PDE4D: variants seen among roughly 807,000 people sequenced by gnomAD.
PDE4D encodes the protein 3',5'-cyclic-AMP phosphodiesterase 4D.
A neutral mutation model predicts 87.4 loss-of-function variants in PDE4D; 24 were observed. That is an observed-to-expected ratio of 0.27 (90% CI 0.20 to 0.39). The LOEUF (loss-of-function observed/expected upper bound fraction) is 0.39, where lower values mean the gene tolerates loss of function less well. Ranked by LOEUF, PDE4D falls within the 10% of genes least tolerant of loss-of-function variation. The pLI, the probability that PDE4D is intolerant of heterozygous loss-of-function variation, is 1.00. For synonymous variants in PDE4D, 384 were observed against 383.2 expected, an observed-to-expected ratio of 1.00 and a Z score of -0.02; for missense variants, 714 against 1,041.0, an observed-to-expected ratio of 0.69 and a Z score of 4.32.
intron 1 of PDE4D, among the ~76,000 whole-genome samples, chr5:60,498,715 A>T (rs1317010253): frequency 6.6e-6 from 1 of 152,194 alleles, no homozygotes; most frequent in Non-Finnish European, 1.5e-5. Flanking sequence ...TATCACTTGT[A>T]TAATCAGCTT....
chr5:59,848,775 T>TCAAAAA (rs1425538880), intron 1 of PDE4D, among the ~76,000 whole-genome samples: 1 of 152,052 alleles, frequency 6.6e-6, no homozygotes, highest in African/African-American at 2.4e-5. Context: ...TGTAAAGTGT[T>TCAAAAA]CAAAAACACT....
At chr5:59,552,990 G>C (rs1330693360) in intron 1 of PDE4D, among the ~76,000 whole-genome samples, 1 of 152,088 alleles carries the variant, frequency 6.6e-6, no homozygotes, top group African/African-American at 2.4e-5. Context: ...TTCCTTAAAA[G>C]TTTGGAAACA....
At chr5:59,350,001 T>C (rs1431287277) in intron 1 of PDE4D, among the ~76,000 whole-genome samples, 1 of 152,186 alleles carries the variant, frequency 6.6e-6, no homozygotes, top group Non-Finnish European at 1.5e-5. Context: ...ATGTTTGAGA[T>C]GGGGCTTTCC....
chr5:59,420,284 A>G (rs1236272808), intron 1 of PDE4D, among the ~76,000 whole-genome samples: 2 of 152,168 alleles, frequency 1.3e-5, no homozygotes, highest in African/African-American at 2.4e-5. Flanking sequence ...CCCAAATCCT[A>G]GTCTGACTTG....
intron 3 of PDE4D, among the ~76,000 whole-genome samples, chr5:59,911,999 T>C (rs1188958917): frequency 6.6e-6 from 1 of 152,198 alleles, no homozygotes; most frequent in Non-Finnish European, 1.5e-5. Context: ...TAAATTTTCA[T>C]AGAATATTCT....
chr5:59,248,592 C>T (rs1328250872), intron 1 of PDE4D, among the ~76,000 whole-genome samples: 1 of 152,124 alleles, frequency 6.6e-6, no homozygotes, highest in African/African-American at 2.4e-5. Flanking sequence ...GTTTAGAAGG[C>T]AAATAGAAAT....
At chr5:60,166,830 G>C (rs1256364730) in intron 2 of PDE4D, among the ~76,000 whole-genome samples, 1 of 151,974 alleles carries the variant, frequency 6.6e-6, no homozygotes, top group Non-Finnish European at 1.5e-5. Flanking sequence ...AGCATTCTTG[G>C]CTGGCATTTT....
At chr5:60,257,405 A>T (rs1420894540) in intron 1 of PDE4D, among the ~76,000 whole-genome samples, 1 of 151,994 alleles carries the variant, frequency 6.6e-6, no homozygotes, top group African/African-American at 2.4e-5. Flanking sequence ...TTTTTGTGGC[A>T]GCGGCGATAT....
chr5:59,504,897 GGT>G (rs1808941816), intron 1 of PDE4D, among the ~76,000 whole-genome samples: 1 of 125,696 alleles, frequency 8.0e-6, no homozygotes, highest in Non-Finnish European at 1.7e-5. Flanking sequence ...TCTTGGTAGG[GGT>G]ATATGTGTGT....
chr5:59,771,499 GAAGAAAGA>G (rs779235734), intron 1 of PDE4D, among the ~76,000 whole-genome samples: 4 of 19,726 alleles, frequency 2.0e-4, no homozygotes, highest in Admixed American at 7.2e-4. Flanking sequence ...GAGAGAGAGA[GAAGAAAGA>G]AAGAAAGAAA....
intron 1 of PDE4D, among the ~76,000 whole-genome samples, chr5:59,371,411 T>C (rs1783917488): frequency 6.6e-6 from 1 of 152,208 alleles, no homozygotes; most frequent in Non-Finnish European, 1.5e-5. Flanking sequence ...TGTCGTGAAC[T>C]TTCCCCCACT....
chr5:59,596,314 T>C (rs1447375768), intron 1 of PDE4D, among the ~76,000 whole-genome samples: 2 of 150,012 alleles, frequency 1.3e-5, no homozygotes, highest in Non-Finnish European at 3.0e-5. Flanking sequence ...TAGAAAACCA[T>C]GCAAGTTCAA....
At chr5:59,155,579 TAA>T (rs1345571375) in intron 5 of PDE4D, among the ~76,000 whole-genome samples, 4 of 152,184 alleles carry the variant, frequency 2.6e-5, no homozygotes, top group African/African-American at 9.7e-5. Flanking sequence ...AAAGGATCAA[TAA>T]AGAGTTGGCT....
intron 3 of PDE4D, among the ~76,000 whole-genome samples, chr5:59,928,450 C>T (rs1009171967): frequency 3.3e-5 from 5 of 151,896 alleles, no homozygotes; most frequent in African/African-American, 7.3e-5. Context: ...TGGTGGTGCG[C>T]GCCTATAATC....
At chr5:59,206,623 A>G (rs1748843546) in intron 2 of PDE4D, among the ~76,000 whole-genome samples, 1 of 152,204 alleles carries the variant, frequency 6.6e-6, no homozygotes, top group Non-Finnish European at 1.5e-5. Flanking sequence ...AATTTTTAAA[A>G]ATTAAATAAA....
At chr5:60,099,321 C>T (rs1294480994) in intron 2 of PDE4D, among the ~76,000 whole-genome samples, 1 of 151,902 alleles carries the variant, frequency 6.6e-6, no homozygotes, top group East Asian at 1.9e-4. Flanking sequence ...TTGAGCCTCA[C>T]TAATCTAGAC....
chr5:59,771,439 AAGAAAGAAAG>A (rs772817677), intron 1 of PDE4D, among the ~76,000 whole-genome samples: 23 of 88,986 alleles, frequency 2.6e-4, no homozygotes, highest in Non-Finnish European at 3.2e-4. Context: ...AAGAAAAAGA[AAGAAAGAAAG>A]AAAGAAAGAA....
At chr5:59,445,168 C>T (rs1223156468) in intron 1 of PDE4D, among the ~76,000 whole-genome samples, 1 of 152,076 alleles carries the variant, frequency 6.6e-6, no homozygotes, top group East Asian at 1.9e-4. Flanking sequence ...CTGGAATTAC[C>T]TCATTTGTTA....
intron 6 of PDE4D, among the ~76,000 whole-genome samples, chr5:59,013,982 C>T (rs1753416661): frequency 6.6e-6 from 1 of 152,204 alleles, no homozygotes; most frequent in East Asian, 1.9e-4. Context: ...GGATGCAAGG[C>T]TGCTTCAACA....
Sources: gnomAD v4.1 joint callset for allele counts (sites outside exome capture counted in the v4.1 genomes callset) on GRCh38, gnomAD v4.1.1 for gene constraint, MANE v1.5 for transcripts, NCBI Gene and HGNC (gene_info 2026-07-23, HGNC 2026-07-21) for gene names.